ZNF880: variants seen among roughly 807,000 people sequenced by gnomAD.
ZNF880 encodes zinc finger protein LOC400713.
ZNF880 carries 12 observed loss-of-function variants against 11.8 expected under a neutral mutation model. That is an observed-to-expected ratio of 1.02 (90% CI 0.65 to 1.65). The LOEUF is 1.65. Ranked by LOEUF, ZNF880 falls within the 40% of genes most tolerant of loss-of-function variation. ZNF880 has a pLI of 0.00. For missense variants in ZNF880, 601 were observed against 673.9 expected, an observed-to-expected ratio of 0.89 and a Z score of 1.20; for synonymous variants, 210 against 232.4, an observed-to-expected ratio of 0.90 and a Z score of 0.88.
Position 52,385,496 on chromosome 19 carries a change from T to A in ZNF880, c.*182T>A. Reference sequence around the variant, plus strand: ...AGCAATGTATGTGAATCAGGTCTCTTGAGGCCTGCCAAATGACTAGATATC... The same window carrying A: ...AGCAATGTATGTGAATCAGGTCTCTAGAGGCCTGCCAAATGACTAGATATC... On this transcript the variant is annotated 3_prime_UTR_variant, in exon 4 of 4. Coordinates refer to ENST00000422689, the MANE Select transcript of ZNF880 (RefSeq NM_001145434.2). 1.5e-6 allele frequency: 1 copy of A among 684,296 alleles called. No individual in the cohort carries two copies. The highest frequency in any genetic ancestry group is 2.4e-6 in the Non-Finnish European group (1 of 420,190). 42.4% of individuals were successfully genotyped at this position (684,296 alleles called of 1,614,324 possible). A position where few individuals can be genotyped will look rare whatever the true frequency, so the allele number is the denominator to read the frequency against.
At chr19:52,380,367 T>G (rs370484635) in intron 3 of ZNF880, among the ~76,000 whole-genome samples, 1 of 152,064 alleles carries the variant, frequency 6.6e-6, no homozygotes, top group Non-Finnish European at 1.5e-5. Context: ...GTTTTTTATT[T>G]GCATTTTTCC....
rs767665715 is a variant in ZNF880, at chr19:52,384,173, G to C, written c.593G>C (p.Arg198Thr). The C allele has an allele frequency of 1.2e-5, 19 of 1,609,562 alleles. No homozygotes were observed. Among genetic ancestry groups the C allele is most frequent in the Non-Finnish European group, 1.5e-5 (18 of 1,177,636 alleles). ...GGCAAAGCCTTTAGAGTGTCTTCAA[G>C]ACTTGCTAACAATCAAGTAATCCAC... The part of the protein sequence containing the change: ...EHGKAFRVSS[R>T]LANNQVIHTA... The change falls in exon 4 of 4, where the codon AGA becomes ACA. Residue 198 changes from arginine (R) to threonine (T), a missense_variant. By Grantham distance (71) the Arg-to-Thr change is moderately conservative. Transcript: ENST00000422689.
upstream of ZNF880, among the ~76,000 whole-genome samples, chr19:52,368,179 C>G (rs912810066): frequency 1.4e-5 from 2 of 148,100 alleles, no homozygotes; most frequent in African/African-American, 5.0e-5. Flanking sequence ...GCACTCCAGC[C>G]TGGTGACAGA....
In ZNF880 at chr19:52,384,138, T is replaced by C; in HGVS notation, c.558T>C (p.Cys186=). 1 of 1,604,888 alleles carries C rather than the reference T, an allele frequency of 6.2e-7. No individual in the cohort carries two copies. Among genetic ancestry groups the C allele is most frequent in the Non-Finnish European group, 8.5e-7 (1 of 1,175,188 alleles). Residue 186 remains cysteine, a synonymous_variant, in exon 4 of 4, where the codon TGT becomes TGC. Coordinates refer to ENST00000422689, the MANE Select transcript of ZNF880 (RefSeq NM_001145434.2). ...KAQIREKPCE[C]NEHGKAFRVS... ...AAATAAGGGAAAAACCGTGTGAATG[T>C]AATGAGCATGGCAAAGCCTTTAGAG...
downstream of ZNF880, chr19:52,390,463 C>T (rs2058703738): frequency 7.6e-6 from 2 of 263,790 alleles, no homozygotes; most frequent in African/African-American, 2.3e-5. Context: ...CTCCTGATAT[C>T]GAGTGTGGGG....
At position 52,385,224 on chromosome 19, in the gene ZNF880, C is replaced by A; in HGVS notation, c.1644C>A (p.Tyr548Ter). 1 of 1,551,968 alleles carries A rather than the reference C, an allele frequency of 6.4e-7. No individual in the cohort carries two copies. Among genetic ancestry groups the A allele is most frequent in the Middle Eastern group, 1.7e-4 (1 of 5,992 alleles). ...HERIHTGEKP[Y>*]RCHECGKDFT... ...GAATTCATACTGGGGAGAAACCGTA[C>A]AGATGTCATGAATGTGGTAAGGACT... The change falls in exon 4 of 4, where the codon TAC becomes TAA. Residue 548 changes from tyrosine (Y) to a stop codon, truncating the protein, a stop_gained. Transcript: ENST00000422689. LOFTEE classifies it low-confidence loss of function (END_TRUNC).
At position 52,371,036 on chromosome 19, in the gene ZNF880, A is replaced by G. The variant is rs565931630; in HGVS notation, c.12+1059A>G. 1.6e-4 allele frequency among the ~76,000 whole-genome samples: 25 copies of G among 152,284 alleles called. No individual in the cohort carries two copies. The East Asian group carries it at 4.6e-3, about 28-fold the overall frequency. ...TGTGTGAATGTATATATGTATATGA[A>G]TAAGTGTGTACATGTGATGTGTGTG... On this transcript the variant is annotated intron_variant, in intron 1 of 3. Coordinates refer to ENST00000422689, the MANE Select transcript of ZNF880 (RefSeq NM_001145434.2).
rs530226319 is a variant in ZNF880, at chr19:52,382,031, T to C, written c.269-1818T>C. On this transcript the variant is annotated intron_variant, in intron 3 of 3. Transcript: ENST00000422689. Reference sequence around the variant, plus strand: ...TCTTTTAATTACTAGGAAAGAATTATGGGAGGCTGAGGCAGGTGGATCACC... The same window carrying C: ...TCTTTTAATTACTAGGAAAGAATTACGGGAGGCTGAGGCAGGTGGATCACC... 3.7e-4 allele frequency among the ~76,000 whole-genome samples: 56 copies of C among 152,254 alleles called. No homozygotes were observed. The South Asian group carries it at 6.8e-3, about 19-fold the overall frequency.
chr19:52,388,422 C>T (rs912298292), downstream of ZNF880, among the ~76,000 whole-genome samples: 1 of 149,906 alleles, frequency 6.7e-6, no homozygotes, highest in Non-Finnish European at 1.5e-5. Context: ...GGACTACAAG[C>T]GTGCACCACC....
At chr19:52,380,825 T>C (rs62108321) in intron 3 of ZNF880, among the ~76,000 whole-genome samples, 54,949 of 151,082 alleles carry the variant, frequency 0.36, 10,218 homozygotes, top group South Asian at 0.52. Context: ...TACAGGCATG[T>C]ACCACCATGC....
downstream of ZNF880, among the ~76,000 whole-genome samples, chr19:52,386,788 G>A (rs1488325014): frequency 9.7e-6 from 1 of 102,696 alleles, no homozygotes; most frequent in African/African-American, 3.9e-5. Context: ...GGTGACAAGA[G>A]CAAAACTCTG....
intron 3 of ZNF880, among the ~76,000 whole-genome samples, chr19:52,382,855 C>T (rs1346227874): frequency 6.6e-6 from 1 of 152,136 alleles, no homozygotes. Context: ...GATGTTTGAA[C>T]ATTATTTCTA....
upstream of ZNF880, chr19:52,369,843 G>C (rs1454002182): frequency 5.4e-6 from 7 of 1,289,574 alleles, no homozygotes; most frequent in Non-Finnish European, 7.7e-6. Context: ...GAGACGAGCT[G>C]GGAGCGAGGC....
upstream of ZNF880, chr19:52,369,867 G>C (rs561874726): frequency 1.8e-4 from 266 of 1,483,152 alleles, 1 homozygote; most frequent in East Asian, 6.0e-3. Flanking sequence ...GGGAAGCGCA[G>C]GCTCCGCCCA....
At position 52,384,380 on chromosome 19, in the gene ZNF880, C is replaced by G. The variant is rs765414313; in HGVS notation, c.800C>G (p.Pro267Arg). The G allele has an allele frequency of 6.2e-7, 1 of 1,613,808 alleles. No homozygotes were observed. ...RHQRIHTGEK[P>R]YKCHECGKVF... is the part of the protein sequence containing the mutation. ...CAGAGAATACATACTGGAGAGAAAC[C>G]TTACAAATGTCATGAGTGTGGCAAA... The change falls in exon 4 of 4, where the codon CCT (proline) becomes CGT (arginine). Residue 267 changes from proline to arginine, a missense_variant. By Grantham distance (103) the Pro-to-Arg change is moderately radical (BLOSUM62 -2). Around this residue, in one of 3 missense-constraint regions of ZNF880, gnomAD observed 420 missense variants for 442.6 expected, o/e 0.95. Transcript: ENST00000422689.
chr19:52,382,340 T>C (rs1221144826), intron 3 of ZNF880, among the ~76,000 whole-genome samples: 1 of 152,140 alleles, frequency 6.6e-6, no homozygotes, highest in Non-Finnish European at 1.5e-5. Flanking sequence ...TAAATATCTC[T>C]ATATTTGATT....
rs760211101 is a variant in ZNF880 at position 52,383,983 on chromosome 19, G to A, written c.403G>A (p.Glu135Lys). ...ERNISGCKHV[E>K]KPINNSLVSP... ...GAATATTTCTGGATGTAAACATGTC[G>A]AAAAACCTATCAACAATTCCTTAGT... The change falls in exon 4 of 4, where the codon GAA becomes AAA. Residue 135 changes from glutamate (E) to lysine (K), a missense_variant. Physicochemically the swap from Glu to Lys is moderately conservative, Grantham distance 56. Coordinates refer to ENST00000422689, the MANE Select transcript of ZNF880 (RefSeq NM_001145434.2). 1.2e-4 allele frequency: 186 copies of A among 1,536,104 alleles called. 2 individuals are homozygous for A. The highest frequency in any genetic ancestry group is 6.4e-4 in the South Asian group (53 of 83,178).
chr19:52,366,891 C>T (rs1281835758), upstream of ZNF880: 3 of 692,356 alleles, frequency 4.3e-6, no homozygotes, highest in South Asian at 2.0e-5. Context: ...CATCACTCAT[C>T]TCTTGATCCA....
Position 52,383,503 on chromosome 19 carries a change from C to T in ZNF880, c.269-346C>T, listed in dbSNP as rs77061190. Among the ~76,000 whole-genome samples the T allele has an allele frequency of 9.7e-3, 1,479 of 152,190 alleles. 12 individuals carry two copies. Among genetic ancestry groups the T allele is most frequent in the Non-Finnish European group, 0.017 (1,125 of 68,012 alleles). ...TTCTGGGGATGTGTTTTTTTCCTGGCGTGTGGAAGTACTATTACTAATGAC... is the reference window on the plus strand; with the variant it reads ...TTCTGGGGATGTGTTTTTTTCCTGGTGTGTGGAAGTACTATTACTAATGAC... On this transcript the variant is annotated intron_variant, in intron 3 of 3. Coordinates refer to ENST00000422689, the MANE Select transcript of ZNF880 (RefSeq NM_001145434.2).
Sources: allele counts gnomAD v4.1 joint callset (sites outside exome capture counted in the v4.1 genomes callset), GRCh38; gene constraint gnomAD v4.1.1; regional missense constraint gnomAD v4.1.1; transcripts MANE v1.5; gene names NCBI Gene and HGNC (gene_info 2026-07-23, HGNC 2026-07-21).